Variants in PRMT7 observed in about 807,000 individuals in gnomAD.
PRMT7 encodes the protein protein arginine methyltransferase 7.
PRMT7 carries 75 observed loss-of-function variants against 85.4 expected under a neutral mutation model. The ratio of observed to expected loss-of-function variants is 0.88; its 90% CI spans 0.73 to 1.06. The LOEUF is 1.06. Among genes scored for constraint, PRMT7 ranks in the 50% least tolerant of loss-of-function variants. The probability of loss-of-function intolerance (pLI) is 0.00; values close to 1 mark genes in which losing one functional copy is unlikely to be tolerated. For synonymous variants in PRMT7, 397 were observed against 359.5 expected, an observed-to-expected ratio of 1.10 and a Z score of -1.18; for missense variants, 868 against 915.2, an observed-to-expected ratio of 0.95 and a Z score of 0.67.
At chr16:68,330,119 C>G (rs1352685967) in intron 6 of PRMT7, among the ~76,000 whole-genome samples, 3 of 152,050 alleles carry the variant, frequency 2.0e-5, no homozygotes, top group Non-Finnish European at 2.9e-5. Flanking sequence ...GTCTTGAACC[C>G]CTGACCTCAG....
intron 2 of PRMT7, among the ~76,000 whole-genome samples, chr16:68,313,025 A>G (rs1239830925): frequency 6.6e-6 from 1 of 152,122 alleles, no homozygotes; most frequent in East Asian, 1.9e-4. Context: ...GGGTTTCGCC[A>G]TGTTGGCCAG....
Position 68,357,355 on chromosome 16 carries a change from C to T in PRMT7, c.*131C>T, listed in dbSNP as rs75702902. The stretch of plus-strand genomic sequence containing the variant: ...GCCTCAGGGATGGGAAAGACTGCGC[C>T]GTGTTGCATCTTGTTGCATCTTTGC... On this transcript the variant is annotated 3_prime_UTR_variant, in exon 19 of 19. Transcript: ENST00000441236. 4.0e-5 allele frequency: 40 copies of T among 988,434 alleles called. No individual in the cohort carries two copies. Among genetic ancestry groups the T allele is most frequent in the African/African-American group, 3.6e-4 (22 of 61,012 alleles). The allele number at this position is 988,434 out of a possible 1,614,324, so 61.2% of individuals were successfully genotyped here.
intron 9 of PRMT7, among the ~76,000 whole-genome samples, chr16:68,340,631 T>C (rs1314192123): frequency 6.6e-6 from 1 of 151,502 alleles, no homozygotes; most frequent in Non-Finnish European, 1.5e-5. Flanking sequence ...TGAGATCTCA[T>C]TTTCACCTAC....
At chr16:68,338,648 G>C (rs1490300191) in intron 7 of PRMT7, among the ~76,000 whole-genome samples, 3 of 152,116 alleles carry the variant, frequency 2.0e-5, no homozygotes, top group Non-Finnish European at 4.4e-5. Flanking sequence ...GTTGGGAGAT[G>C]CTTCGCAGGG....
chr16:68,323,953 C>G (rs2082796778), intron 4 of PRMT7: 1 of 152,142 alleles, frequency 6.6e-6, no homozygotes, highest in Non-Finnish European at 1.5e-5. Context: ...AAGTTATTTT[C>G]TGATGGGGAA....
intron 12 of PRMT7, 55 bp from the exon 13 acceptor site, chr16:68,347,576 A>G: frequency 6.4e-7 from 1 of 1,561,198 alleles, no homozygotes; most frequent in Non-Finnish European, 8.8e-7. Context: ...TTAATCTTTA[A>G]TTTCTTCTCT....
rs2088304770 is a variant in PRMT7 at position 68,355,781 on chromosome 16, C to T, written c.1709C>T (p.Pro570Leu). The change falls in exon 17 of 19, where the codon CCA becomes CTA. Residue 570 changes from proline (P) to leucine (L), a missense_variant. Transcript: ENST00000441236. ...GAGCCCCACCCGCTGTGGGAGTACCCATGCCGCAGCCTCTCCGAGCCCTGG... is the reference window on the plus strand; with the variant it reads ...GAGCCCCACCCGCTGTGGGAGTACCTATGCCGCAGCCTCTCCGAGCCCTGG... Reference protein sequence around the residue: ...EAEPHPLWEYPCRSLSEPWQI... With the variant: ...EAEPHPLWEYLCRSLSEPWQI... The T allele has an allele frequency of 1.2e-6, 2 of 1,611,546 alleles. No homozygotes were observed. The highest frequency in any genetic ancestry group is 1.7e-5 in the Admixed American group (1 of 59,894).
chr16:68,337,567 T>C lies in PRMT7; in HGVS notation c.500T>C (p.Val167Ala). 6.2e-7 allele frequency: 1 copy of C among 1,603,792 alleles called. No individual in the cohort carries two copies. Among genetic ancestry groups the C allele is most frequent in the Non-Finnish European group, 8.5e-7 (1 of 1,172,648 alleles). The change falls in exon 7 of 19, where the codon GTG (valine) becomes GCG (alanine). Residue 167 changes from valine (V) to alanine (A), a missense_variant. By Grantham distance (64) the Val-to-Ala change is moderately conservative. Coordinates refer to ENST00000441236, the MANE Select transcript of PRMT7 (RefSeq NM_019023.5). Reference protein sequence around the residue: ...PSYEHAHRHLVEENCEAVPHR... With the variant: ...PSYEHAHRHLAEENCEAVPHR... ...TATGAGCACGCACACAGGCATCTCGTGGAGGTAGTAGACGGAGGGCTCCCT... is the reference window on the plus strand; with the variant it reads ...TATGAGCACGCACACAGGCATCTCGCGGAGGTAGTAGACGGAGGGCTCCCT...
At chr16:68,320,959 C>T (rs2082418975) in intron 3 of PRMT7, among the ~76,000 whole-genome samples, 1 of 151,968 alleles carries the variant, frequency 6.6e-6, no homozygotes, top group African/African-American at 2.4e-5. Context: ...ATAACGAGAC[C>T]CTGTTTCTAA....
rs746681052 is a variant in PRMT7, at chr16:68,352,452, G to T, written c.1575+43G>T. On this transcript the variant is annotated intron_variant, in intron 15 of 18. Coordinates refer to ENST00000441236, the MANE Select transcript of PRMT7 (RefSeq NM_019023.5). ...TGTTGGAGAAAAAAGCAGAGGAGGC[G>T]GGTGGGGAACCTTGTTTTCTTGCAG... The T allele has an allele frequency of 8.3e-6, 13 of 1,559,184 alleles. No homozygotes were observed. The South Asian group carries it at 1.3e-4, about 15-fold the overall frequency.
chr16:68,332,522 C>T (rs1316458210), intron 6 of PRMT7, among the ~76,000 whole-genome samples: 1 of 152,188 alleles, frequency 6.6e-6, no homozygotes, highest in Non-Finnish European at 1.5e-5. Flanking sequence ...TTGAATGTTT[C>T]CCAGGCCTCT....
At chr16:68,312,810 A>C (rs1354325225) in intron 2 of PRMT7, among the ~76,000 whole-genome samples, 1 of 152,168 alleles carries the variant, frequency 6.6e-6, no homozygotes, top group Non-Finnish European at 1.5e-5. Flanking sequence ...AATTGTTAAC[A>C]CAAGACATAG....
At chr16:68,338,839 TAGG>T (rs1215796369) in intron 7 of PRMT7, among the ~76,000 whole-genome samples, 3 of 151,938 alleles carry the variant, frequency 2.0e-5, no homozygotes, top group Admixed American at 6.6e-5. Context: ...ATGCAAGAGG[TAGG>T]AGGAGAGCCG....
chr16:68,356,582 C>CGGCAG (rs2088552071), intron 17 of PRMT7, 119 bp from the exon 18 acceptor site: 1 of 734,274 alleles, frequency 1.4e-6, no homozygotes, highest in Non-Finnish European at 2.3e-6. Flanking sequence ...TAGGAACTCC[C>CGGCAG]GGCAGGGCAG....
chr16:68,346,675 G>A (rs2086446256), intron 11 of PRMT7, among the ~76,000 whole-genome samples: 1 of 152,122 alleles, frequency 6.6e-6, no homozygotes, highest in Non-Finnish European at 1.5e-5. Context: ...CCTGCTACCT[G>A]TAGCAGGGGA....
At chr16:68,328,372 C>T (rs2083388529) in intron 5 of PRMT7, 2 of 153,396 alleles carry the variant, frequency 1.3e-5, no homozygotes, top group African/African-American at 4.8e-5. Context: ...CGAGACAAGG[C>T]TTCTGTTTGT....
At chr16:68,347,351 C>A (rs115191631) in intron 12 of PRMT7, 57 bp downstream of exon 12, 7 of 1,464,284 alleles carry the variant, frequency 4.8e-6, no homozygotes, top group African/African-American at 4.3e-5. Context: ...TAGAGCATTG[C>A]GTGGTCCGGG....
chr16:68,339,738 G>T lies in PRMT7; in HGVS notation c.747-50G>T, dbSNP rs1459069120. 2.5e-6 allele frequency: 4 copies of T among 1,590,336 alleles called. No homozygotes were observed. In the South Asian group the frequency reaches 4.4e-5, roughly 18 times the overall value. On this transcript the variant is annotated intron_variant, in intron 8 of 18. Coordinates refer to ENST00000441236, the MANE Select transcript of PRMT7 (RefSeq NM_019023.5). ...AAGTCACTGTAAAAGCTTAAAAAAT[G>T]GAGTGTGTGAGGTTAAACTCTGCTT...
intron 9 of PRMT7, 127 bp from the exon 10 acceptor site, chr16:68,345,548 C>T (rs1390023899): frequency 1.2e-5 from 16 of 1,384,220 alleles, no homozygotes; most frequent in Non-Finnish European, 1.4e-5. Context: ...TCCTTGGCCA[C>T]AATAGCCAGC....
Sources: gnomAD v4.1 joint callset for allele counts (sites outside exome capture counted in the v4.1 genomes callset) on GRCh38, gnomAD v4.1.1 for gene constraint, MANE v1.5 for transcripts, NCBI Gene and HGNC (gene_info 2026-07-23, HGNC 2026-07-21) for gene names.